Variants in USP48 observed in about 807,000 individuals in gnomAD.
The protein encoded by USP48 is ubiquitin carboxyl-terminal hydrolase 48.
A neutral mutation model predicts 150.7 loss-of-function variants in USP48; 43 were observed. The observed-to-expected ratio is 0.29, with a 90% CI of 0.22 to 0.37. The LOEUF (loss-of-function observed/expected upper bound fraction) is 0.37. Among genes scored for constraint, USP48 ranks in the 10% least tolerant of loss-of-function variants. USP48 has a pLI of 1.00. For synonymous variants in USP48, 396 were observed against 425.9 expected, an observed-to-expected ratio of 0.93 and a Z score of 0.86; for missense variants, 813 against 1,249.6, an observed-to-expected ratio of 0.65 and a Z score of 5.27.
chr1:21,688,238 A>C (rs148560652), intron 24 of USP48, among the ~76,000 whole-genome samples: 124 of 152,072 alleles, frequency 8.2e-4, no homozygotes, highest in Admixed American at 1.6e-3. Flanking sequence ...TTTCTTTTTG[A>C]GACGGAGTCT....
intron 1 of USP48, among the ~76,000 whole-genome samples, chr1:21,773,271 A>AG (rs1244113647): frequency 2.0e-5 from 3 of 151,726 alleles, no homozygotes; most frequent in Admixed American, 6.6e-5. Context: ...AAAAAAAAAA[A>AG]AAAGAAAGAA....
intron 1 of USP48, among the ~76,000 whole-genome samples, chr1:21,769,279 T>G (rs1256234062): frequency 6.6e-6 from 1 of 151,902 alleles, no homozygotes; most frequent in Non-Finnish European, 1.5e-5. Flanking sequence ...TTTAGGACTC[T>G]GGGGAAGATA....
rs2097818694 is a variant in USP48 at position 21,752,414 on chromosome 1, G to T, written c.665+113C>A. On this transcript the variant is annotated intron_variant, in intron 5 of 26. Transcript: ENST00000308271. The stretch of plus-strand genomic sequence containing the variant: ...GAAATGTATTACTATAAATATTTCA[G>T]GTCCCATGATAAACCACTAAAGCTA... The T allele has an allele frequency of 1.7e-5, 21 of 1,245,642 alleles. No individual in the cohort carries two copies. In the South Asian group the frequency reaches 2.8e-4, roughly 17 times the overall value. The allele number at this position is 1,245,642 out of a possible 1,614,324, so 77.2% of individuals were successfully genotyped here.
intron 1 of USP48, among the ~76,000 whole-genome samples, chr1:21,780,564 T>C (rs2097911742): frequency 6.6e-6 from 1 of 152,050 alleles, no homozygotes; most frequent in Admixed American, 6.6e-5. Flanking sequence ...CCAGGTATTT[T>C]TTTAATGAAA....
At chr1:21,761,169 A>G (rs981090517) in intron 1 of USP48, among the ~76,000 whole-genome samples, 4 of 152,216 alleles carry the variant, frequency 2.6e-5, no homozygotes, top group African/African-American at 9.6e-5. Context: ...TTATTTACAA[A>G]TGGGGTAAAC....
rs1410921790 is a variant in USP48, at chr1:21,685,329, C to T, written c.3058+1862G>A. On this transcript the variant is annotated intron_variant, in intron 25 of 26. Coordinates refer to ENST00000308271, the MANE Select transcript of USP48 (RefSeq NM_032236.8). Reference sequence around the variant, plus strand: ...ATTATTATTGGAATTGCTTTCTTTTCTTTTTTTTTTTTTTGAGATGGAGTC... The same window carrying T: ...ATTATTATTGGAATTGCTTTCTTTTTTTTTTTTTTTTTTTGAGATGGAGTC... Among the ~76,000 whole-genome samples the T allele has an allele frequency of 7.6e-4, 103 of 136,348 alleles. No individual in the cohort carries two copies. The East Asian group carries it at 0.015, about 20-fold the overall frequency. 89.4% of individuals were successfully genotyped at this position (136,348 alleles called of 152,430 possible).
chr1:21,779,495 G>A (rs889050319), intron 1 of USP48, among the ~76,000 whole-genome samples: 11 of 151,770 alleles, frequency 7.2e-5, no homozygotes, highest in African/African-American at 2.4e-4. Context: ...GCAGTGAGCC[G>A]AGATGGCGCC....
intron 12 of USP48, among the ~76,000 whole-genome samples, chr1:21,722,430 T>C (rs1290880969): frequency 6.6e-6 from 1 of 151,324 alleles, no homozygotes; most frequent in African/African-American, 2.4e-5. Context: ...TCCTAGCTAC[T>C]TGGGAAGCTG....
intron 15 of USP48, among the ~76,000 whole-genome samples, chr1:21,713,534 G>A (rs1278230055): frequency 6.6e-6 from 1 of 152,202 alleles, no homozygotes; most frequent in African/African-American, 2.4e-5. Flanking sequence ...TGGGAAGGCA[G>A]AGCAAAGGTC....
intron 9 of USP48, among the ~76,000 whole-genome samples, chr1:21,730,254 A>G (rs1406285942): frequency 6.6e-6 from 1 of 152,030 alleles, no homozygotes; most frequent in Non-Finnish European, 1.5e-5. Flanking sequence ...CAGCCTGGCC[A>G]AAACATGGAG....
At chr1:21,692,460 G>T (rs2097605119) in intron 23 of USP48, among the ~76,000 whole-genome samples, 1 of 152,132 alleles carries the variant, frequency 6.6e-6, no homozygotes, top group South Asian at 2.1e-4. Context: ...GCTTGTTCAT[G>T]CCCCTAAATG....
intron 2 of USP48, 136 bp from the exon 3 acceptor site, chr1:21,756,838 C>A (rs1003500356): frequency 2.1e-6 from 3 of 1,428,582 alleles, no homozygotes; most frequent in Non-Finnish European, 2.7e-6. Context: ...CCTTAAGTTT[C>A]TCTTGGCTGG....
intron 8 of USP48, among the ~76,000 whole-genome samples, chr1:21,744,776 C>CCAA (rs2097790305): frequency 5.8e-5 from 1 of 17,310 alleles, no homozygotes; most frequent in Non-Finnish European, 2.3e-4. Flanking sequence ...AACTCTATCT[C>CCAA]TAAAAAAAAA....
intron 19 of USP48, chr1:21,704,673 G>A (rs968796608): frequency 3.9e-6 from 1 of 255,958 alleles, no homozygotes; most frequent in Non-Finnish European, 7.3e-6. Flanking sequence ...AATACAGTAT[G>A]GTGCCATTTA....
At chr1:21,777,673 TAAG>T (rs1227311964) in intron 1 of USP48, among the ~76,000 whole-genome samples, 1 of 151,896 alleles carries the variant, frequency 6.6e-6, no homozygotes, top group Non-Finnish European at 1.5e-5. Flanking sequence ...GCTTCACTGA[TAAG>T]AATAAGAAGG....
intron 14 of USP48, among the ~76,000 whole-genome samples, chr1:21,719,006 C>G (rs535046472): frequency 1.4e-3 from 216 of 152,160 alleles, no homozygotes; most frequent in African/African-American, 4.3e-3. Flanking sequence ...GTAGCTCACA[C>G]CTGTAATCCT....
chr1:21,717,023 AAAT>A (rs1187149076), intron 14 of USP48, among the ~76,000 whole-genome samples: 6 of 152,172 alleles, frequency 3.9e-5, no homozygotes, highest in Non-Finnish European at 5.9e-5. Context: ...CTCAAAAAAA[AAAT>A]AATTATCCAT....
intron 1 of USP48, among the ~76,000 whole-genome samples, chr1:21,773,496 A>G (rs563211069): frequency 2.0e-5 from 3 of 152,156 alleles, no homozygotes; most frequent in African/African-American, 7.2e-5. Context: ...TCCTATCTCT[A>G]TAAAACTAAA....
intron 6 of USP48, among the ~76,000 whole-genome samples, 169 bp downstream of exon 6, chr1:21,751,338 G>C (rs1016505911): frequency 2.7e-4 from 41 of 152,210 alleles, no homozygotes; most frequent in African/African-American, 9.9e-4. Context: ...TTAAGACACA[G>C]GCTGCTTTGG....
Sources: allele counts gnomAD v4.1 joint callset (sites outside exome capture counted in the v4.1 genomes callset), GRCh38; gene constraint gnomAD v4.1.1; transcripts MANE v1.5; gene names NCBI Gene and HGNC (gene_info 2026-07-23, HGNC 2026-07-21).